The following RBM26 variants were observed in gnomAD, a reference collection of about 807,000 sequenced individuals.
RBM26 encodes RNA binding motif protein 26, also known as RNA-binding protein 26.
RBM26 carries 30 observed loss-of-function variants against 123.6 expected under a neutral mutation model. The ratio of observed to expected loss-of-function variants is 0.24; its 90% CI spans 0.18 to 0.33. RBM26 has a LOEUF of 0.33. RBM26 is among the 10% of genes least tolerant of loss of function. The pLI, the probability that RBM26 is intolerant of heterozygous loss-of-function variation, is 1.00. For synonymous variants in RBM26, 400 were observed against 404.4 expected, an observed-to-expected ratio of 0.99 and a Z score of 0.13; for missense variants, 947 against 1,203.6, an observed-to-expected ratio of 0.79 and a Z score of 3.15.
Position 79,341,245 on chromosome 13 carries a change from A to G in RBM26, c.2428-18T>C. On this transcript the variant is annotated intron_variant, in intron 17 of 21. Transcript: ENST00000438737. ...TTCTGCATCTAAAAAATAGTAATTAATATTTTAGGTGACAGTAATTACTAT... is the reference window on the plus strand; with the variant it reads ...TTCTGCATCTAAAAAATAGTAATTAGTATTTTAGGTGACAGTAATTACTAT... The G allele has an allele frequency of 1.3e-6, 2 of 1,502,102 alleles. No individual in the cohort carries two copies. The highest frequency in any genetic ancestry group is 4.5e-5 in the East Asian group (2 of 44,098). 93.0% of individuals were successfully genotyped at this position (1,502,102 alleles called of 1,614,324 possible). A position where few individuals can be genotyped will look rare whatever the true frequency, so the allele number is the denominator to read the frequency against.
At chr13:79,369,372 T>G (rs1036443866) in intron 5 of RBM26, among the ~76,000 whole-genome samples, 1 of 67,436 alleles carries the variant, frequency 1.5e-5, no homozygotes, top group Non-Finnish European at 2.9e-5. Context: ...CCATTTAAAG[T>G]TACTACAATG....
chr13:79,402,654 T>C (rs900368235), intron 1 of RBM26, among the ~76,000 whole-genome samples: 2 of 152,172 alleles, frequency 1.3e-5, no homozygotes, highest in Non-Finnish European at 2.9e-5. Flanking sequence ...TGTCCATTTT[T>C]AGGACCTCCA....
intron 1 of RBM26, among the ~76,000 whole-genome samples, chr13:79,381,571 G>A (rs777342431): frequency 1.9e-4 from 29 of 151,904 alleles, no homozygotes; most frequent in Non-Finnish European, 3.4e-4. Flanking sequence ...TAACTTACCT[G>A]TCATTTTTCA....
intron 1 of RBM26, among the ~76,000 whole-genome samples, chr13:79,401,732 A>G (rs140719497): frequency 9.7e-4 from 148 of 152,324 alleles, no homozygotes; most frequent in South Asian, 3.9e-3. Context: ...TTTCAACTAT[A>G]GATGGAAATA....
intron 14 of RBM26, among the ~76,000 whole-genome samples, chr13:79,346,635 CA>C (rs2072387095): frequency 1.3e-5 from 2 of 152,278 alleles, no homozygotes; most frequent in East Asian, 3.9e-4. Context: ...CTTGGCGCCC[CA>C]AACTGTTGGG....
At position 79,382,003 on chromosome 13, in the gene RBM26, C is replaced by T. The variant is rs546794548; in HGVS notation, c.72-3096G>A. On this transcript the variant is annotated intron_variant, in intron 1 of 21. Transcript: ENST00000438737. ...TTTTCTTAAGTCCTACAAGAAGTTC[C>T]ATTTTTACTTCAATATTTTTGAAAA... Among the ~76,000 whole-genome samples the T allele has an allele frequency of 4.6e-5, 7 of 152,098 alleles. 2 individuals are homozygous for T. The highest frequency in any genetic ancestry group is 1.7e-4 in the African/African-American group (7 of 41,528).
intron 1 of RBM26, among the ~76,000 whole-genome samples, chr13:79,386,067 C>A (rs1028558018): frequency 6.6e-6 from 1 of 150,886 alleles, no homozygotes; most frequent in Non-Finnish European, 1.5e-5. Context: ...AATAGCCTCA[C>A]CTGAAATTAA....
intron 13 of RBM26, among the ~76,000 whole-genome samples, chr13:79,353,540 CA>C (rs1689210164): frequency 6.6e-6 from 1 of 152,064 alleles, no homozygotes; most frequent in South Asian, 2.1e-4. Context: ...AATATATGCC[CA>C]CTTACTGAGC....
chr13:79,328,894 C>T (rs2068857561), intron 20 of RBM26, among the ~76,000 whole-genome samples: 1 of 151,508 alleles, frequency 6.6e-6, no homozygotes, highest in Non-Finnish European at 1.5e-5. Context: ...TGATACCCCA[C>T]TCCGATAAAA....
At chr13:79,331,979 T>C (rs542433029) in intron 20 of RBM26, among the ~76,000 whole-genome samples, 1 of 152,316 alleles carries the variant, frequency 6.6e-6, no homozygotes, top group East Asian at 1.9e-4. Flanking sequence ...CTTATACTGA[T>C]GGTCTTTAAA....
chr13:79,399,350 G>A (rs547650511), intron 1 of RBM26, among the ~76,000 whole-genome samples: 7 of 152,090 alleles, frequency 4.6e-5, no homozygotes, highest in African/African-American at 1.7e-4. Flanking sequence ...TGCACACAAT[G>A]AATGTATAAC....
At chr13:79,322,165 G>A in intron 21 of RBM26, 184 bp downstream of exon 21, 1 of 408,366 alleles carries the variant, frequency 2.4e-6, no homozygotes, top group South Asian at 6.3e-5. Context: ...TTTTGAATTA[G>A]CAATCCACAT....
rs2070422317 is a variant in RBM26 at position 79,336,463 on chromosome 13, A to AT, written c.2733+638dup. ...TGATGCTTAGTAACCAACCTTTGGG[A>AT]TACCACTAAGAATCACAGCATTTGA... On this transcript the variant is annotated intron_variant, in intron 19 of 21. Coordinates refer to ENST00000438737, the MANE Select transcript of RBM26 (RefSeq NM_001366735.2). 3.9e-5 allele frequency among the ~76,000 whole-genome samples: 6 copies of AT among 152,288 alleles called. No individual in the cohort carries two copies. In the South Asian group the frequency reaches 1.2e-3, roughly 32 times the overall value.
At chr13:79,393,358 G>A (rs1368048849) in intron 1 of RBM26, among the ~76,000 whole-genome samples, 1 of 152,208 alleles carries the variant, frequency 6.6e-6, no homozygotes, top group Non-Finnish European at 1.5e-5. Context: ...TCTTCCAAGT[G>A]TACTTTACTT....
chr13:79,387,418 A>G (rs1457225380), intron 1 of RBM26, among the ~76,000 whole-genome samples: 1 of 152,156 alleles, frequency 6.6e-6, no homozygotes, highest in Non-Finnish European at 1.5e-5. Flanking sequence ...CTTTCCATGA[A>G]GCAGTCTGGT....
intron 6 of RBM26, among the ~76,000 whole-genome samples, chr13:79,367,564 G>A (rs758635558): frequency 5.3e-5 from 8 of 151,712 alleles, no homozygotes; most frequent in Admixed American, 1.3e-4. Context: ...AAGTGAGTTC[G>A]CCCTCTATTA....
At chr13:79,314,129 C>A (rs2066981294), downstream of RBM26, 1 of 151,682 alleles carries the variant, frequency 6.6e-6, no homozygotes, top group Non-Finnish European at 1.5e-5. Flanking sequence ...ATAAGTAATT[C>A]TAAGCCATAT....
At chr13:79,344,555 G>A (rs2071975694) in intron 15 of RBM26, 114 bp downstream of exon 15, 2 of 980,168 alleles carry the variant, frequency 2.0e-6, no homozygotes, top group South Asian at 3.3e-5. Flanking sequence ...ACGTTCAGTG[G>A]CAGCCAACAA....
chr13:79,405,531 G>C (rs576629127), intron 1 of RBM26, among the ~76,000 whole-genome samples, 173 bp downstream of exon 1: 1 of 151,944 alleles, frequency 6.6e-6, no homozygotes, highest in Admixed American at 6.6e-5. Context: ...CAGGCTCTCG[G>C]GGGTATCCTG....
Sources: gnomAD v4.1 joint callset for allele counts (sites outside exome capture counted in the v4.1 genomes callset) on GRCh38, gnomAD v4.1.1 for gene constraint, MANE v1.5 for transcripts, NCBI Gene and HGNC (gene_info 2026-07-23, HGNC 2026-07-21) for gene names.